CCDC89: variants seen among roughly 807,000 people sequenced by gnomAD.
CCDC89 encodes the protein coiled-coil domain containing 89.
Under a neutral mutation model 29.3 loss-of-function variants are expected in CCDC89, and 28 were observed. The observed-to-expected ratio is 0.96, with a 90% CI of 0.71 to 1.31. The LOEUF (loss-of-function observed/expected upper bound fraction) is 1.31, where lower values mean the gene tolerates loss of function less well. CCDC89 is among the 50% of genes most tolerant of loss of function. The pLI, the probability that CCDC89 is intolerant of heterozygous loss-of-function variation, is 0.00. For synonymous variants in CCDC89, 191 were observed against 179.7 expected, an observed-to-expected ratio of 1.06 and a Z score of -0.51; for missense variants, 484 against 442.3, an observed-to-expected ratio of 1.09 and a Z score of -0.85.
rs201001900 is a variant in CCDC89 at position 85,684,990 on chromosome 11, G to A, written c.*16C>T. On this transcript the variant is annotated 3_prime_UTR_variant, in exon 1 of 1. Coordinates refer to ENST00000316398, the MANE Select transcript of CCDC89 (RefSeq NM_152723.3). ...TTTGAATTCTGAATTGCAGGCCAGA[G>A]GAAGCAGAAACTTCCCTATGGAGAG... 128 of 1,591,448 alleles carry A rather than the reference G, an allele frequency of 8.0e-5. 1 individual carries two copies. The East Asian group carries it at 2.4e-3, about 29-fold the overall frequency.
Position 85,685,970 on chromosome 11 carries a change from C to A in CCDC89, c.161G>T (p.Gly54Val). ...GLREALANLR[G>V]LSEEERSEKA... ...CTCGCTCCTCTCCTCCTCTGACAGT[C>A]CCCGGAGGTTTGCCAAGGCTTCCCT... The change falls in exon 1 of 1, where the codon GGA becomes GTA. Residue 54 changes from glycine (G) to valine (V), a missense_variant. Coordinates refer to ENST00000316398, the MANE Select transcript of CCDC89 (RefSeq NM_152723.3). 2 of 1,614,184 alleles carry A rather than the reference C, an allele frequency of 1.2e-6. No homozygotes were observed. Among genetic ancestry groups the A allele is most frequent in the African/African-American group, 2.7e-5 (2 of 75,054 alleles).
Position 85,685,511 on chromosome 11 carries a change from C to T in CCDC89, c.620G>A (p.Arg207His), listed in dbSNP as rs200933789. 6.2e-7 allele frequency: 1 copy of T among 1,613,962 alleles called. No homozygotes were observed. The highest frequency in any genetic ancestry group is 1.7e-5 in the Admixed American group (1 of 60,022). The change falls in exon 1 of 1, where the codon CGC (arginine) becomes CAC (histidine). Residue 207 changes from arginine (R) to histidine (H), a missense_variant. Transcript: ENST00000316398. Reference sequence around the variant, plus strand: ...CTGTAGCTCCAGCAGCTCCTTCTCGCGCGCCTGTGCCTGGCAGGCATCCTG... The same window carrying T: ...CTGTAGCTCCAGCAGCTCCTTCTCGTGCGCCTGTGCCTGGCAGGCATCCTG... ...CAQDACQAQA[R>H]EKELLELQSQ...
chr11:85,685,337 A>G lies in CCDC89; in HGVS notation c.794T>C (p.Leu265Pro). 1 of 1,608,264 alleles carries G rather than the reference A, an allele frequency of 6.2e-7. No individual in the cohort carries two copies. Residue 265 changes from leucine to proline, a missense_variant, in exon 1 of 1, where the codon CTG (leucine) becomes CCG (proline). Physicochemically the swap from Leu to Pro is moderately conservative, Grantham distance 98. Transcript: ENST00000316398. The part of the protein sequence containing the change: ...SSLSQELQAR[L>P]QTVTREKEEL... ...CTCTTTCTCTCTAGTGACGGTCTGC[A>G]GCCTGGCCTGCAGCTCCTGGCTCAG...
At position 85,684,846 on chromosome 11, in the gene CCDC89, T is replaced by C; in HGVS notation, c.*160A>G. 1 of 763,198 alleles carries C rather than the reference T, an allele frequency of 1.3e-6. No individual in the cohort carries two copies. The highest frequency in any genetic ancestry group is 2.0e-6 in the Non-Finnish European group (1 of 494,826). The allele number at this position is 763,198 out of a possible 1,614,324, so 47.3% of individuals were successfully genotyped here. A position where few individuals can be genotyped will look rare whatever the true frequency, so the allele number is the denominator to read the frequency against. ...GTAGAAATGAAAATTAATAATGGCT[T>C]TACAATAATAACAACAATATCATAG... On this transcript the variant is annotated 3_prime_UTR_variant, in exon 1 of 1. Transcript: ENST00000316398.
Position 85,683,986 on chromosome 11 carries a change from G to T in CCDC89, c.*1020C>A, listed in dbSNP as rs1159039384. ...TATTTTGAGAGGTATTCATAATAAT[G>T]TTTATATATCAATACCTAATTACAG... On this transcript the variant is annotated 3_prime_UTR_variant, in exon 1 of 1. Coordinates refer to ENST00000316398, the MANE Select transcript of CCDC89 (RefSeq NM_152723.3). Among the ~76,000 whole-genome samples the T allele has an allele frequency of 1.3e-5, 2 of 152,140 alleles. No individual in the cohort carries two copies. The highest frequency in any genetic ancestry group is 2.9e-5 in the Non-Finnish European group (2 of 68,024).
At position 85,685,322 on chromosome 11, in the gene CCDC89, C is replaced by A; in HGVS notation, c.809G>T (p.Arg270Ile). 1 of 1,607,882 alleles carries A rather than the reference C, an allele frequency of 6.2e-7. No homozygotes were observed. The highest frequency in any genetic ancestry group is 1.3e-5 in the African/African-American group (1 of 75,060). ...ELQARLQTVT[R>I]EKEELLQLSI... ...CAGCTGCAGCAACTCCTCTTTCTCT[C>A]TAGTGACGGTCTGCAGCCTGGCCTG... Residue 270 changes from arginine (R) to isoleucine (I), a missense_variant, in exon 1 of 1, where the codon AGA becomes ATA. Coordinates refer to ENST00000316398, the MANE Select transcript of CCDC89 (RefSeq NM_152723.3).
At position 85,685,009 on chromosome 11, in the gene CCDC89, T is replaced by G. The variant is rs768418958; in HGVS notation, c.1122A>C (p.Pro374=). 1 of 1,608,522 alleles carries G rather than the reference T, an allele frequency of 6.2e-7. No individual in the cohort carries two copies. Among genetic ancestry groups the G allele is most frequent in the Non-Finnish European group, 8.5e-7 (1 of 1,177,238 alleles). The change falls in exon 1 of 1, where the codon CCA becomes CCC. Residue 374 remains proline, a synonymous_variant. Coordinates refer to ENST00000316398, the MANE Select transcript of CCDC89 (RefSeq NM_152723.3). The part of the protein sequence containing the change: ...ELNGKLRHLS[P] ...GCCAGAGGAAGCAGAAACTTCCCTA[T>G]GGAGAGAGATGGCGGAGTTTGCCAT...
At position 85,685,045 on chromosome 11, in the gene CCDC89, C is replaced by T. The variant is rs2083006165; in HGVS notation, c.1086G>A (p.Glu362=). The part of the protein sequence containing the change: ...KKHSLDLLSK[E]RELNGKLRHL... ...GGCGGAGTTTGCCATTGAGTTCTCT[C>T]TCCTTGCTTAAAAGATCCAAGCTGT... The change falls in exon 1 of 1, where the codon GAG becomes GAA. Residue 362 remains glutamate, a synonymous_variant. Transcript: ENST00000316398. The T allele has an allele frequency of 1.9e-6, 3 of 1,613,978 alleles. No individual in the cohort carries two copies. Among genetic ancestry groups the T allele is most frequent in the South Asian group, 1.1e-5 (1 of 91,074 alleles).
chr11:85,685,952 C>T lies in CCDC89; in HGVS notation c.179G>A (p.Arg60Lys). ...GGAGCGAAGCATAGCCTTCTCGCTCCTCTCCTCCTCTGACAGTCCCCGGAG... is the reference window on the plus strand; with the variant it reads ...GGAGCGAAGCATAGCCTTCTCGCTCTTCTCCTCCTCTGACAGTCCCCGGAG... ...ANLRGLSEEE[R>K]SEKAMLRSRI... The change falls in exon 1 of 1, where the codon AGG becomes AAG. Residue 60 changes from arginine (R) to lysine (K), a missense_variant. Physicochemically the swap from Arg to Lys is conservative, Grantham distance 26 (BLOSUM62 2). Coordinates refer to ENST00000316398, the MANE Select transcript of CCDC89 (RefSeq NM_152723.3). 1 of 1,614,236 alleles carries T rather than the reference C, an allele frequency of 6.2e-7. No homozygotes were observed.
Position 85,684,321 on chromosome 11 carries a change from T to C in CCDC89, c.*685A>G, listed in dbSNP as rs1437405872. Among the ~76,000 whole-genome samples the C allele has an allele frequency of 6.6e-6, 1 of 152,362 alleles. No individual in the cohort carries two copies. Among genetic ancestry groups the C allele is most frequent in the South Asian group, 2.1e-4 (1 of 4,830 alleles). On this transcript the variant is annotated 3_prime_UTR_variant, in exon 1 of 1. Transcript: ENST00000316398. ...AATTAAGCTACTGATATTTGCATTA[T>C]TGCACATCTAAATCCTCTTTTTAAA...
chr11:85,685,710 C>T lies in CCDC89; in HGVS notation c.421G>A (p.Asp141Asn). 4 of 1,614,134 alleles carry T rather than the reference C, an allele frequency of 2.5e-6. No homozygotes were observed. The highest frequency in any genetic ancestry group is 3.4e-6 in the Non-Finnish European group (4 of 1,180,022). ...TTGATGTTCTCACTCTTGTATTCATCCTTGAAGCGGAGCATCAACTCGTGG... is the reference window on the plus strand; with the variant it reads ...TTGATGTTCTCACTCTTGTATTCATTCTTGAAGCGGAGCATCAACTCGTGG... ...ANHELMLRFK[D>N]EYKSENIKLR... is the part of the protein sequence containing the mutation. Residue 141 changes from aspartate to asparagine, a missense_variant, in exon 1 of 1, where the codon GAT becomes AAT. Transcript: ENST00000316398.
At position 85,685,779 on chromosome 11, in the gene CCDC89, AC is replaced by A; in HGVS notation, c.351del (p.Glu117AspfsTer6). 2.5e-6 allele frequency: 4 copies of A among 1,613,780 alleles called. No homozygotes were observed. Among genetic ancestry groups the A allele is most frequent in the Non-Finnish European group, 3.4e-6 (4 of 1,179,962 alleles). On this transcript the variant is annotated frameshift_variant, in exon 1 of 1. Transcript: ENST00000316398. LOFTEE classifies it high-confidence loss of function. ...AAGCGTTCCTCTAGTTTCCGACTGT[AC>A]TCACCCTGGGCCTTGAGCTTCTCAG... ...QEAEKLKAQG[E>X]YSRKLEERFM...
Position 85,684,837 on chromosome 11 carries a change from A to C in CCDC89, c.*169T>G. 1.4e-6 allele frequency: 1 copy of C among 729,676 alleles called. No homozygotes were observed. Among genetic ancestry groups the C allele is most frequent in the Non-Finnish European group, 2.1e-6 (1 of 468,886 alleles). The allele number at this position is 729,676 out of a possible 1,614,324, so 45.2% of individuals were successfully genotyped here. On this transcript the variant is annotated 3_prime_UTR_variant, in exon 1 of 1. Coordinates refer to ENST00000316398, the MANE Select transcript of CCDC89 (RefSeq NM_152723.3). ...ATTCTAGGTGTAGAAATGAAAATTA[A>C]TAATGGCTTTACAATAATAACAACA...
In CCDC89 at chr11:85,685,293, T is replaced by C. The variant is rs760568678; in HGVS notation, c.838A>G (p.Ile280Val). 3 of 1,608,912 alleles carry C rather than the reference T, an allele frequency of 1.9e-6. No individual in the cohort carries two copies. Among genetic ancestry groups the C allele is most frequent in the South Asian group, 1.1e-5 (1 of 91,088 alleles). ...TTCTGAAGCACTTTGCCCCTTTCAA[T>C]GGACAGCTGCAGCAACTCCTCTTTC... The part of the protein sequence containing the change: ...REKEELLQLS[I>V]ERGKVLQNKQ... The change falls in exon 1 of 1, where the codon ATT becomes GTT. Residue 280 changes from isoleucine (I) to valine (V), a missense_variant. Transcript: ENST00000316398.
rs111882322 is a variant in CCDC89 at position 85,684,901 on chromosome 11, G to A, written c.*105C>T. On this transcript the variant is annotated 3_prime_UTR_variant, in exon 1 of 1. Coordinates refer to ENST00000316398, the MANE Select transcript of CCDC89 (RefSeq NM_152723.3). ...GTAGCTTTTCTTTGAGTTGCCTTTT[G>A]TGCTTGAAAGTATAATAAATGGGAT... 2 of 1,232,406 alleles carry A rather than the reference G, an allele frequency of 1.6e-6. No homozygotes were observed. The highest frequency in any genetic ancestry group is 1.5e-5 in the African/African-American group (1 of 66,226). The allele number at this position is 1,232,406 out of a possible 1,614,324, so 76.3% of individuals were successfully genotyped here. A position where few individuals can be genotyped will look rare whatever the true frequency, so the allele number is the denominator to read the frequency against.
In CCDC89 at chr11:85,685,500, G is replaced by T; in HGVS notation, c.631C>A (p.Leu211Met). The T allele has an allele frequency of 6.2e-7, 1 of 1,613,782 alleles. No individual in the cohort carries two copies. Among genetic ancestry groups the T allele is most frequent in the African/African-American group, 1.3e-5 (1 of 75,048 alleles). Residue 211 changes from leucine (L) to methionine (M), a missense_variant, in exon 1 of 1, where the codon CTG becomes ATG. Leu to Met is a conservative substitution (Grantham distance 15, BLOSUM62 2). Transcript: ENST00000316398. ...GCCTGCTGGCTCTGTAGCTCCAGCA[G>T]CTCCTTCTCGCGCGCCTGTGCCTGG... ...ACQAQAREKELLELQSQQACT... is the reference protein window; with the variant it reads ...ACQAQAREKEMLELQSQQACT...
At position 85,686,054 on chromosome 11, in the gene CCDC89, T is replaced by C; in HGVS notation, c.77A>G (p.Gln26Arg). 1 of 1,614,216 alleles carries C rather than the reference T, an allele frequency of 6.2e-7. No homozygotes were observed. Among genetic ancestry groups the C allele is most frequent in the Non-Finnish European group, 8.5e-7 (1 of 1,180,042 alleles). Residue 26 changes from glutamine (Q) to arginine (R), a missense_variant, in exon 1 of 1, where the codon CAA becomes CGA. Coordinates refer to ENST00000316398, the MANE Select transcript of CCDC89 (RefSeq NM_152723.3). ...TTCCTGGTTGTTCAGTTTTTCATTT[T>C]GCTTCTCTAAGCGTTCTTCAGGGGG... ...TPPPEERLEKQNEKLNNQEEE... is the reference protein window; with the variant it reads ...TPPPEERLEKRNEKLNNQEEE...
rs775040855 is a variant in CCDC89, at chr11:85,685,498, C to A, written c.633G>T (p.Leu211=). The A allele has an allele frequency of 6.2e-7, 1 of 1,613,820 alleles. No individual in the cohort carries two copies. Among genetic ancestry groups the A allele is most frequent in the South Asian group, 1.1e-5 (1 of 91,088 alleles). The change falls in exon 1 of 1, where the codon CTG becomes CTT. Residue 211 remains leucine (L), a synonymous_variant. Transcript: ENST00000316398. The part of the protein sequence containing the change: ...ACQAQAREKE[L]LELQSQQACT... ...AGGCCTGCTGGCTCTGTAGCTCCAG[C>A]AGCTCCTTCTCGCGCGCCTGTGCCT...
chr11:85,685,555 C>A lies in CCDC89; in HGVS notation c.576G>T (p.Thr192=), dbSNP rs2083011196. 6.2e-7 allele frequency: 1 copy of A among 1,614,146 alleles called. No homozygotes were observed. Among genetic ancestry groups the A allele is most frequent in the African/African-American group, 1.3e-5 (1 of 75,064 alleles). Residue 192 remains threonine (T), a synonymous_variant, in exon 1 of 1, where the codon ACG becomes ACT. Transcript: ENST00000316398. ...CATCCTGAGCACACCTCTCCTTCAG[C>A]GTTTCTAGCTCCCCAGTGAGGGCCT... The part of the protein sequence containing the change: ...RCEALTGELE[T]LKERCAQDAC...
Sources: allele counts gnomAD v4.1 joint callset (sites outside exome capture counted in the v4.1 genomes callset), GRCh38; gene constraint gnomAD v4.1.1; transcripts MANE v1.5; gene names NCBI Gene and HGNC (gene_info 2026-07-23, HGNC 2026-07-21).